C3orf70: variants seen among roughly 807,000 people sequenced by gnomAD.
The protein encoded by C3orf70 is UPF0524 protein C3orf70.
A neutral mutation model predicts 20.7 loss-of-function variants in C3orf70; 15 were observed. The observed-to-expected ratio is 0.72, with a 90% CI of 0.48 to 1.11. The LOEUF is 1.11. Among genes scored for constraint, C3orf70 ranks in the 50% most tolerant of loss-of-function variants. The pLI, the probability that C3orf70 is intolerant of heterozygous loss-of-function variation, is 0.00. For missense variants in C3orf70, 332 were observed against 317.6 expected (o/e 1.05, Z -0.34); for synonymous variants, 161 against 125.7 (o/e 1.28, Z -1.88).
chr3:185,107,053 T>C (rs1383901729), intron 1 of C3orf70, among the ~76,000 whole-genome samples: 1 of 152,100 alleles, frequency 6.6e-6, no homozygotes, highest in Admixed American at 6.6e-5. Context: ...GCTTATTGGG[T>C]AAATCAAATT....
chr3:185,124,107 G>A (rs1716363347), intron 1 of C3orf70, among the ~76,000 whole-genome samples: 1 of 152,074 alleles, frequency 6.6e-6, no homozygotes, highest in African/African-American at 2.4e-5. Flanking sequence ...ATTGTATTAG[G>A]TATTATAAAT....
At chr3:185,146,188 A>G (rs928668046) in intron 1 of C3orf70, among the ~76,000 whole-genome samples, 3 of 151,350 alleles carry the variant, frequency 2.0e-5, no homozygotes, top group African/African-American at 7.3e-5. Flanking sequence ...AAGAGCTTTG[A>G]GGAAACTCAC....
chr3:185,088,527 ATT>A (rs34963623), intron 1 of C3orf70, among the ~76,000 whole-genome samples: 1 of 151,784 alleles, frequency 6.6e-6, no homozygotes, highest in African/African-American at 2.4e-5. Flanking sequence ...TAAATCTATG[ATT>A]TTTTTTCAAA....
In C3orf70 at chr3:185,132,068, T is replaced by C. The variant is rs535694300; in HGVS notation, c.196+20560A>G. Among the ~76,000 whole-genome samples the C allele has an allele frequency of 2.0e-5, 3 of 152,304 alleles. No homozygotes were observed. The South Asian group carries it at 6.2e-4, about 32-fold the overall frequency. On this transcript the variant is annotated intron_variant, in intron 1 of 1. Transcript: ENST00000335012. ...GGTCCAGGTATGTCAAGCTATTTGTTTAGTCTAAAGCAATCCTGTAGTAAT... is the reference window on the plus strand; with the variant it reads ...GGTCCAGGTATGTCAAGCTATTTGTCTAGTCTAAAGCAATCCTGTAGTAAT...
rs543318960 is a variant in C3orf70, at chr3:185,088,985, A to G, written c.197-5422T>C. ...AAACTTAAGCCAGCAGAGCCTGAAG[A>G]GGGGAGGGTTTGTGCTATGTCTGAG... On this transcript the variant is annotated intron_variant, in intron 1 of 1. Transcript: ENST00000335012. 7.9e-5 allele frequency among the ~76,000 whole-genome samples: 12 copies of G among 152,330 alleles called. No individual in the cohort carries two copies. The South Asian group carries it at 2.1e-3, about 26-fold the overall frequency.
intron 1 of C3orf70, among the ~76,000 whole-genome samples, chr3:185,113,141 T>A (rs1456870985): frequency 2.0e-5 from 3 of 151,988 alleles, no homozygotes; most frequent in Non-Finnish European, 2.9e-5. Context: ...CTACAATATG[T>A]AGAAAGTTAA....
chr3:185,082,429 C>T lies in C3orf70; in HGVS notation c.*578G>A, dbSNP rs1461697516. ...CCTTGTACAGACACTGGCCACAAAC[C>T]ATGGGCTGAGCTGGCCTCCAGTGAC... On this transcript the variant is annotated 3_prime_UTR_variant, in exon 2 of 2. Transcript: ENST00000335012. The T allele has an allele frequency of 6.5e-6, 1 of 154,890 alleles. No individual in the cohort carries two copies. The highest frequency in any genetic ancestry group is 1.4e-5 in the Non-Finnish European group (1 of 69,880). 9.6% of individuals were successfully genotyped at this position (154,890 alleles called of 1,614,324 possible).
chr3:185,102,101 T>C (rs986511108), intron 1 of C3orf70, among the ~76,000 whole-genome samples: 1 of 152,102 alleles, frequency 6.6e-6, no homozygotes, highest in African/African-American at 2.4e-5. Flanking sequence ...TGAAAGGGCA[T>C]CCATACAGGA....
At chr3:185,111,294 GA>G (rs1188443115) in intron 1 of C3orf70, among the ~76,000 whole-genome samples, 1 of 151,920 alleles carries the variant, frequency 6.6e-6, no homozygotes, top group South Asian at 2.1e-4. Flanking sequence ...TCAAGAAAGT[GA>G]AAAAAGACAA....
intron 1 of C3orf70, among the ~76,000 whole-genome samples, chr3:185,109,734 G>T (rs1030229511): frequency 2.6e-5 from 4 of 152,026 alleles, no homozygotes; most frequent in African/African-American, 9.7e-5. Context: ...ATAATGCCTG[G>T]ATGTAATCAC....
intron 1 of C3orf70, among the ~76,000 whole-genome samples, chr3:185,145,480 T>C (rs373038545): frequency 7.2e-6 from 1 of 138,418 alleles, no homozygotes; most frequent in Non-Finnish European, 1.6e-5. Flanking sequence ...ATTATTGTTT[T>C]TGAAAGCATG....
intron 1 of C3orf70, among the ~76,000 whole-genome samples, chr3:185,125,717 T>C (rs1030289530): frequency 1.3e-5 from 2 of 152,222 alleles, no homozygotes; most frequent in African/African-American, 4.8e-5. Context: ...CTCGAGATCC[T>C]TATGTTAAGT....
intron 1 of C3orf70, among the ~76,000 whole-genome samples, chr3:185,092,001 G>T (rs1715601763): frequency 8.0e-6 from 1 of 125,610 alleles, no homozygotes; most frequent in Non-Finnish European, 1.6e-5. Context: ...GTTTCACTAT[G>T]TTGGCCAGGC....
In C3orf70 at chr3:185,077,624, CCT is replaced by C. The variant is rs572097490; in HGVS notation, c.*5381_*5382del. ...GGACTTGCCGCGCTGAGGCCTGGCC[CCT>C]GAGTCTTGGTGACCAAGCGACCCCC... On this transcript the variant is annotated 3_prime_UTR_variant, in exon 2 of 2. Transcript: ENST00000335012. Among the ~76,000 whole-genome samples, 56 of 152,202 alleles carry C rather than the reference CCT, an allele frequency of 3.7e-4. No individual in the cohort carries two copies. The highest frequency in any genetic ancestry group is 5.8e-4 in the African/African-American group (24 of 41,514).
intron 1 of C3orf70, among the ~76,000 whole-genome samples, chr3:185,099,390 C>T (rs1162289592): frequency 6.6e-6 from 1 of 152,202 alleles, no homozygotes; most frequent in African/African-American, 2.4e-5. Flanking sequence ...AGAAACTCTA[C>T]AAGCCAGAAG....
At chr3:185,094,683 CT>C (rs148286798) in intron 1 of C3orf70, among the ~76,000 whole-genome samples, 3,476 of 152,076 alleles carry the variant, frequency 0.023, 110 homozygotes, top group African/African-American at 0.079. Flanking sequence ...ATCTCCTAGG[CT>C]TCCAGTTCCT....
intron 1 of C3orf70, among the ~76,000 whole-genome samples, chr3:185,147,122 C>T (rs1716893135): frequency 6.6e-6 from 1 of 152,196 alleles, no homozygotes; most frequent in Non-Finnish European, 1.5e-5. Flanking sequence ...TTTGCTGTGA[C>T]AGTCTTTCTT....
chr3:185,116,406 A>G (rs527251681), intron 1 of C3orf70, among the ~76,000 whole-genome samples: 71 of 152,362 alleles, frequency 4.7e-4, no homozygotes, highest in Middle Eastern at 3.4e-3. Context: ...CAAGGACTAT[A>G]TATTAACCAA....
At position 185,125,710 on chromosome 3, in the gene C3orf70, G is replaced by A. The variant is rs150542743; in HGVS notation, c.196+26918C>T. ...ATACTCGACAGCAGGGATGAATCTCGAGATCCTTATGTTAAGTGGACAAAG... is the reference window on the plus strand; with the variant it reads ...ATACTCGACAGCAGGGATGAATCTCAAGATCCTTATGTTAAGTGGACAAAG... On this transcript the variant is annotated intron_variant, in intron 1 of 1. Coordinates refer to ENST00000335012, the MANE Select transcript of C3orf70 (RefSeq NM_001025266.3). Among the ~76,000 whole-genome samples, 31 of 152,226 alleles carry A rather than the reference G, an allele frequency of 2.0e-4. 1 individual carries two copies. The highest frequency in any genetic ancestry group is 6.7e-4 in the African/African-American group (28 of 41,550).
Sources: allele counts gnomAD v4.1 joint callset (sites outside exome capture counted in the v4.1 genomes callset), GRCh38; gene constraint gnomAD v4.1.1; transcripts MANE v1.5; gene names NCBI Gene and HGNC (gene_info 2026-07-23, HGNC 2026-07-21).